MTCL3: variants seen among roughly 807,000 people sequenced by gnomAD.
MTCL3 encodes microtubule cross-linking factor 3.
At chr6:127,513,956 A>G in the MTCL3 span, among the ~76,000 whole-genome samples, 1 of 152,244 alleles carries the variant, frequency 6.6e-6, no homozygotes, top group Non-Finnish European at 1.5e-5. Flanking sequence ...AAAAAGTAAT[A>G]CGTCTTTCAT....
chr6:127,483,359 A>G, the MTCL3 span, among the ~76,000 whole-genome samples: 8 of 152,326 alleles, frequency 5.3e-5, no homozygotes, highest in African/African-American at 9.6e-5. Context: ...ATTATTTCCA[A>G]TGTTGGGAGT....
chr6:127,476,996 C>T, the MTCL3 span, among the ~76,000 whole-genome samples: 1 of 152,198 alleles, frequency 6.6e-6, no homozygotes, highest in Non-Finnish European at 1.5e-5. This position sits in a 1 kb window ranked among gnomAD's most constrained non-coding sequence, Gnocchi z 4.4. Flanking sequence ...GAAGGTTACA[C>T]AGCTAATGAA....
At chr6:127,503,060 G>A in the MTCL3 span, among the ~76,000 whole-genome samples, 1 of 152,178 alleles carries the variant, frequency 6.6e-6, no homozygotes. Context: ...AGACCCTAGA[G>A]TATTATAGAG....
At chr6:127,516,621 G>A in the MTCL3 span, 3 of 1,594,734 alleles carry the variant, frequency 1.9e-6, no homozygotes, top group African/African-American at 1.3e-5. Flanking sequence ...TCATGGCTAT[G>A]AACCTACCAG....
chr6:127,478,994 G>T, the MTCL3 span, among the ~76,000 whole-genome samples: 2 of 147,154 alleles, frequency 1.4e-5, no homozygotes, highest in Non-Finnish European at 3.0e-5. Context: ...TCCAGCCTGG[G>T]TGACAGAGAG....
At chr6:127,516,006 A>G in the MTCL3 span, 4 of 1,594,362 alleles carry the variant, frequency 2.5e-6, no homozygotes, top group Non-Finnish European at 3.4e-6. Context: ...CCCTCTGCTG[A>G]GCGCGTACGC....
chr6:127,512,888 A>G, the MTCL3 span: 1 of 1,608,180 alleles, frequency 6.2e-7, no homozygotes, highest in South Asian at 1.1e-5. Flanking sequence ...ATCAAATACT[A>G]ACCTCTTTCA....
At chr6:127,515,298 G>A in the MTCL3 span, among the ~76,000 whole-genome samples, 1 of 152,200 alleles carries the variant, frequency 6.6e-6, no homozygotes, top group Non-Finnish European at 1.5e-5. The surrounding 1 kb of genome is among the most constrained non-coding windows in gnomAD (Gnocchi z 4.3). Flanking sequence ...TTAGAGAAAC[G>A]GAGGCCCAGA....
At chr6:127,514,784 C>A in the MTCL3 span, 2 of 1,565,160 alleles carry the variant, frequency 1.3e-6, no homozygotes, top group African/African-American at 2.7e-5. Context: ...CCCCACCCAC[C>A]GCCCCTGCCG....
the MTCL3 span, among the ~76,000 whole-genome samples, chr6:127,507,576 C>T: frequency 1.3e-5 from 2 of 152,048 alleles, no homozygotes; most frequent in African/African-American, 4.8e-5. Flanking sequence ...ATAATGCCTA[C>T]ATAAATACAT....
chr6:127,475,145 G>A, the MTCL3 span: 14 of 729,102 alleles, frequency 1.9e-5, no homozygotes, highest in African/African-American at 2.0e-4. The surrounding 1 kb of genome is among the most constrained non-coding windows in gnomAD (Gnocchi z 7.3). Context: ...GGTGGGCCGA[G>A]GCCGGGGGTT....
chr6:127,518,154 T>C, the MTCL3 span, among the ~76,000 whole-genome samples: 1 of 152,264 alleles, frequency 6.6e-6, no homozygotes, highest in Non-Finnish European at 1.5e-5. Context: ...ACTTGTTTTC[T>C]ACATCTTCTC....
At chr6:127,515,611 G>T in the MTCL3 span, 12 of 1,417,396 alleles carry the variant, frequency 8.5e-6, no homozygotes, top group Non-Finnish European at 1.1e-5. The surrounding 1 kb of genome is among the most constrained non-coding windows in gnomAD (Gnocchi z 4.3). Flanking sequence ...CGAAGGGGGC[G>T]CTGCCGCCTG....
At chr6:127,515,906 C>A in the MTCL3 span, 1 of 1,611,510 alleles carries the variant, frequency 6.2e-7, no homozygotes, top group Non-Finnish European at 8.5e-7. The surrounding 1 kb of genome is among the most constrained non-coding windows in gnomAD (Gnocchi z 4.3). Context: ...CCCGCAACGC[C>A]GCTTCCGGAG....
the MTCL3 span, chr6:127,476,398 A>G: frequency 6.2e-7 from 1 of 1,613,102 alleles, no homozygotes; most frequent in South Asian, 1.1e-5. The surrounding 1 kb of genome is among the most constrained non-coding windows in gnomAD (Gnocchi z 4.4). Context: ...AATCTTGGCC[A>G]TTTTCTTTCT....
At chr6:127,483,107 C>T in the MTCL3 span, 25 of 723,064 alleles carry the variant, frequency 3.5e-5, no homozygotes, top group Non-Finnish European at 4.6e-5. Context: ...GTTCAATAAT[C>T]ATAAAAGGAG....
the MTCL3 span, among the ~76,000 whole-genome samples, chr6:127,511,072 A>C: frequency 6.6e-6 from 1 of 152,182 alleles, no homozygotes; most frequent in Non-Finnish European, 1.5e-5. Context: ...ATATCCTTAC[A>C]AAAAGGGGAA....
chr6:127,478,889 C>T, the MTCL3 span, among the ~76,000 whole-genome samples: 9 of 151,740 alleles, frequency 5.9e-5, no homozygotes, highest in South Asian at 2.1e-4. Context: ...TGGTGGCATG[C>T]GCCTGTAGTC....
chr6:127,479,407 G>C, the MTCL3 span, among the ~76,000 whole-genome samples: 57 of 152,322 alleles, frequency 3.7e-4, no homozygotes, highest in African/African-American at 1.3e-3. Flanking sequence ...ACATGCAAGA[G>C]TAGATGAGAC....
Sources: allele counts gnomAD v4.1 joint callset (sites outside exome capture counted in the v4.1 genomes callset), GRCh38; gene constraint gnomAD v4.1.1; non-coding constraint Gnocchi (gnomAD v3.1); transcripts MANE v1.5; gene names NCBI Gene and HGNC (gene_info 2026-07-23, HGNC 2026-07-21).